The following PPP1R13L variants were observed in gnomAD, a reference collection of about 807,000 sequenced individuals.
PPP1R13L encodes protein phosphatase 1 regulatory subunit 13 like.
A neutral mutation model predicts 80.9 loss-of-function variants in PPP1R13L; 50 were observed. The ratio of observed to expected loss-of-function variants is 0.62; its 90% CI spans 0.49 to 0.78. The LOEUF is 0.78. Ranked by LOEUF, PPP1R13L falls within the 30% of genes least tolerant of loss-of-function variation. The probability of loss-of-function intolerance (pLI) is 0.00; values close to 1 mark genes in which losing one functional copy is unlikely to be tolerated. For missense variants in PPP1R13L, 1,200 were observed against 1,205.9 expected (o/e 1.00, Z 0.07); for synonymous variants, 602 against 534.3 (o/e 1.13, Z -1.75).
rs1446827668 is a variant in PPP1R13L at position 45,382,688 on chromosome 19, C to T, written c.2287G>A (p.Val763Met). The change falls in exon 12 of 13, where the codon GTG (valine) becomes ATG (methionine). Residue 763 changes from valine (V) to methionine (M), a missense_variant. Val to Met is a conservative substitution (Grantham distance 21, BLOSUM62 1). Transcript: ENST00000360957. ...GCGCTGTAGTCCCAGAGAGCGTACACTGCCCCGCTGTTCATCAGCCCCATA... is the reference window on the plus strand; with the variant it reads ...GCGCTGTAGTCCCAGAGAGCGTACATTGCCCCGCTGTTCATCAGCCCCATA... ...QSMGLMNSGAVYALWDYSAEF... is the reference protein window; with the variant it reads ...QSMGLMNSGAMYALWDYSAEF... 1 of 1,614,066 alleles carries T rather than the reference C, an allele frequency of 6.2e-7. No homozygotes were observed. Among genetic ancestry groups the T allele is most frequent in the East Asian group, 2.2e-5 (1 of 44,890 alleles).
In PPP1R13L at chr19:45,396,884, G is replaced by T; in HGVS notation, c.373C>A (p.Leu125Ile). Reference protein sequence around the residue: ...KGRPSSPRTPLYLQPDAYGSL... With the variant: ...KGRPSSPRTPIYLQPDAYGSL... Reference sequence around the variant, plus strand: ...CCGTAGGCGTCCGGCTGCAGGTAGAGCGGGGTGCGCGGCGACGACGGCCGT... The same window carrying T: ...CCGTAGGCGTCCGGCTGCAGGTAGATCGGGGTGCGCGGCGACGACGGCCGT... Residue 125 changes from leucine to isoleucine, a missense_variant, in exon 4 of 13, where the codon CTC (leucine) becomes ATC (isoleucine). By Grantham distance (5) the Leu-to-Ile change is conservative. Transcript: ENST00000360957. The surrounding 1 kb of genome is among the most constrained non-coding windows in gnomAD (Gnocchi z 5.3). 1 of 1,526,730 alleles carries T rather than the reference G, an allele frequency of 6.5e-7. No homozygotes were observed. 94.6% of individuals were successfully genotyped at this position (1,526,730 alleles called of 1,614,324 possible). A position where few individuals can be genotyped will look rare whatever the true frequency, so the allele number is the denominator to read the frequency against.
At chr19:45,389,289 T>C (rs991128349) in intron 8 of PPP1R13L, among the ~76,000 whole-genome samples, 2 of 152,146 alleles carry the variant, frequency 1.3e-5, no homozygotes, top group African/African-American at 4.8e-5. Context: ...GGCCTAGGAA[T>C]AGGCATTTTG....
In PPP1R13L at chr19:45,396,582, G is replaced by T; in HGVS notation, c.675C>A (p.Ser225=). Residue 225 remains serine (S), a synonymous_variant, in exon 4 of 13, where the codon TCC becomes TCA. Transcript: ENST00000360957. This position sits in a 1 kb window ranked among gnomAD's most constrained non-coding sequence, Gnocchi z 5.3. ...GAGGCGGGGCGAATGCGCTGCCGCC[G>T]GAGCCTAGCAGGGAGCTCCCGAAGG... The part of the protein sequence containing the change: ...ASAFGSSLLG[S]GGSAFAPPLR... The T allele has an allele frequency of 1.3e-6, 2 of 1,505,384 alleles. No individual in the cohort carries two copies. The highest frequency in any genetic ancestry group is 1.8e-6 in the Non-Finnish European group (2 of 1,135,220). The allele number at this position is 1,505,384 out of a possible 1,614,324, so 93.3% of individuals were successfully genotyped here.
chr19:45,385,480 C>T, intron 11 of PPP1R13L, 82 bp downstream of exon 11: 2 of 1,417,154 alleles, frequency 1.4e-6, no homozygotes, highest in South Asian at 2.8e-5. Flanking sequence ...ATACCCTTCT[C>T]TCCCTAGTAG....
At chr19:45,385,325 T>C (rs148336701) in intron 11 of PPP1R13L, among the ~76,000 whole-genome samples, 6 of 152,250 alleles carry the variant, frequency 3.9e-5, no homozygotes, top group African/African-American at 7.2e-5. Flanking sequence ...TCACAGCCAC[T>C]CTCCTCCCCA....
At chr19:45,403,535 T>C (rs1056554743) in intron 1 of PPP1R13L, among the ~76,000 whole-genome samples, 3 of 152,048 alleles carry the variant, frequency 2.0e-5, no homozygotes, top group African/African-American at 4.8e-5. Context: ...GTGGGCAATA[T>C]CCACTCTCCA....
chr19:45,404,012 G>A (rs1180343933), intron 1 of PPP1R13L, among the ~76,000 whole-genome samples: 3 of 152,032 alleles, frequency 2.0e-5, no homozygotes, highest in Non-Finnish European at 2.9e-5. Flanking sequence ...TCACCTCAGG[G>A]TCAGGGCAAG....
Position 45,396,304 on chromosome 19 carries a change from C to G in PPP1R13L, c.811+34G>C, listed in dbSNP as rs1424749999. On this transcript the variant is annotated intron_variant, in intron 5 of 12. Transcript: ENST00000360957. This position sits in a 1 kb window ranked among gnomAD's most constrained non-coding sequence, Gnocchi z 5.3. ...AGGGTCTGTGGGGCTGCCTCTCCTC[C>G]GGGTCCTCCATTCCCCGGGCCTCCA... 1.9e-6 allele frequency: 3 copies of G among 1,613,794 alleles called. No homozygotes were observed. The highest frequency in any genetic ancestry group is 2.5e-6 in the Non-Finnish European group (3 of 1,179,972).
chr19:45,382,996 CTTT>C (rs60366714), intron 11 of PPP1R13L, among the ~76,000 whole-genome samples: 1 of 126,262 alleles, frequency 7.9e-6, no homozygotes, highest in Admixed American at 8.3e-5. Flanking sequence ...TCTTTTCTTT[CTTT>C]TTTTTTTTTT....
chr19:45,387,781 G>A (rs1053151360), intron 8 of PPP1R13L, among the ~76,000 whole-genome samples: 1 of 152,118 alleles, frequency 6.6e-6, no homozygotes, highest in Non-Finnish European at 1.5e-5. Context: ...TTGTTCTCCT[G>A]ACCTCGTGAT....
chr19:45,403,896 T>TC (rs372757258), intron 1 of PPP1R13L, among the ~76,000 whole-genome samples: 6 of 151,044 alleles, frequency 4.0e-5, no homozygotes, highest in South Asian at 2.1e-4. Context: ...GGTCCTGCCC[T>TC]CCCCCCGCCT....
At chr19:45,395,253 A>T (rs1384508424) in intron 7 of PPP1R13L, 183 bp downstream of exon 7, 8 of 785,640 alleles carry the variant, frequency 1.0e-5, no homozygotes, top group Non-Finnish European at 1.5e-5. Context: ...GTCCACACTT[A>T]ACCTTTGAGC....
At position 45,396,178 on chromosome 19, in the gene PPP1R13L, C is replaced by A; in HGVS notation, c.893G>T (p.Gly298Val). The A allele has an allele frequency of 6.2e-7, 1 of 1,607,882 alleles. No homozygotes were observed. Among genetic ancestry groups the A allele is most frequent in the Non-Finnish European group, 8.5e-7 (1 of 1,178,288 alleles). The change falls in exon 6 of 13, where the codon GGC (glycine) becomes GTC (valine). Residue 298 changes from glycine (G) to valine (V), a missense_variant. By Grantham distance (109) the Gly-to-Val change is moderately radical. This residue lies in a region of PPP1R13L where 764 missense variants were observed against 714.5 expected (regional missense o/e 1.07). Coordinates refer to ENST00000360957, the MANE Select transcript of PPP1R13L (RefSeq NM_006663.4). This position sits in a 1 kb window ranked among gnomAD's most constrained non-coding sequence, Gnocchi z 5.3. Reference protein sequence around the residue: ...WRESSLDGLGGTGKDNLTSAT... With the variant: ...WRESSLDGLGVTGKDNLTSAT... ...GCGTCGCCTCCTCACCTTGCCGGTG[C>A]CCCCCAGTCCATCCAGGCTGCTCTC...
Position 45,391,156 on chromosome 19 carries a change from CCA to C in PPP1R13L, c.1815+722_1815+723del, listed in dbSNP as rs1460897709. On this transcript the variant is annotated intron_variant, in intron 8 of 12. Coordinates refer to ENST00000360957, the MANE Select transcript of PPP1R13L (RefSeq NM_006663.4). ...GAGGTTGCAGTGAGCCGAGGTCAAG[CCA>C]CTGCACTCCAGCCTGAGTGATGGAG... Among the ~76,000 whole-genome samples, 3 of 151,132 alleles carry C rather than the reference CCA, an allele frequency of 2.0e-5. No homozygotes were observed. In the South Asian group the frequency reaches 6.3e-4, roughly 32 times the overall value.
chr19:45,394,354 G>A (rs1417599629), intron 7 of PPP1R13L, among the ~76,000 whole-genome samples: 1 of 152,076 alleles, frequency 6.6e-6, no homozygotes, highest in Non-Finnish European at 1.5e-5. Context: ...TGTTGCCCAG[G>A]CTGGTCTTGA....
At chr19:45,387,931 G>A (rs984665253) in intron 8 of PPP1R13L, among the ~76,000 whole-genome samples, 3 of 152,138 alleles carry the variant, frequency 2.0e-5, no homozygotes, top group African/African-American at 7.2e-5. Flanking sequence ...TTGGGAGGCT[G>A]AGGAGAGTGG....
At position 45,385,934 on chromosome 19, in the gene PPP1R13L, G is replaced by A. The variant is rs376150750; in HGVS notation, c.1971C>T (p.Asn657=). The A allele has an allele frequency of 6.2e-7, 1 of 1,612,414 alleles. No individual in the cohort carries two copies. ...VKEMNDPSQP[N]EEGITALHNA... is the part of the protein sequence containing the mutation. ...TGTGCAAGGCAGTGATGCCCTCCTC[G>A]TTGGGCTGGCTCGGGTCGTTCATCT... The change falls in exon 10 of 13, where the codon AAC becomes AAT. Residue 657 remains asparagine, a synonymous_variant. Coordinates refer to ENST00000360957, the MANE Select transcript of PPP1R13L (RefSeq NM_006663.4).
At chr19:45,397,433 C>A (rs963971014) in intron 3 of PPP1R13L, among the ~76,000 whole-genome samples, 1 of 136,014 alleles carries the variant, frequency 7.4e-6, no homozygotes, top group African/African-American at 2.9e-5. Context: ...CTCTCCTTCC[C>A]TCCCTCCCTC....
rs779057846 is a variant in PPP1R13L at position 45,395,715 on chromosome 19, G to A, written c.1075C>T (p.Pro359Ser). ...VSRIPMPPSSPQPRGAPRQRP... is the reference protein window; with the variant it reads ...VSRIPMPPSSSQPRGAPRQRP... ...TGGCGCGGGGCCCCGCGGGGCTGGG[G>A]GCTGGAGGGGGGCATGGGGATGCGG... Residue 359 changes from proline (P) to serine (S), a missense_variant, in exon 7 of 13, where the codon CCC (proline) becomes TCC (serine). Coordinates refer to ENST00000360957, the MANE Select transcript of PPP1R13L (RefSeq NM_006663.4). 1.7e-5 allele frequency: 26 copies of A among 1,487,256 alleles called. No homozygotes were observed. Among genetic ancestry groups the A allele is most frequent in the Admixed American group, 1.6e-4 (7 of 44,864 alleles). The allele number at this position is 1,487,256 out of a possible 1,614,324, so 92.1% of individuals were successfully genotyped here. A position where few individuals can be genotyped will look rare whatever the true frequency, so the allele number is the denominator to read the frequency against.
Sources: gnomAD v4.1 joint callset for allele counts (sites outside exome capture counted in the v4.1 genomes callset) on GRCh38, gnomAD v4.1.1 for gene constraint, gnomAD v4.1.1 regional missense constraint, Gnocchi (gnomAD v3.1) non-coding constraint, MANE v1.5 for transcripts, NCBI Gene and HGNC (gene_info 2026-07-23, HGNC 2026-07-21) for gene names.